Variants in SSH2 observed in about 807,000 individuals in gnomAD.
SSH2 encodes the protein protein phosphatase Slingshot homolog 2.
A neutral mutation model predicts 135.2 loss-of-function variants in SSH2; 37 were observed. The ratio of observed to expected loss-of-function variants is 0.27; its 90% CI spans 0.21 to 0.36. The LOEUF (loss-of-function observed/expected upper bound fraction) is 0.36. Among genes scored for constraint, SSH2 ranks in the 10% least tolerant of loss-of-function variants. The pLI is 1.00. For missense variants in SSH2, 1,408 were observed against 1,765.3 expected, an observed-to-expected ratio of 0.80 and a Z score of 3.63; for synonymous variants, 628 against 646.2, an observed-to-expected ratio of 0.97 and a Z score of 0.43.
intron 3 of SSH2, among the ~76,000 whole-genome samples, chr17:29,760,298 G>GT (rs2041249519): frequency 6.6e-6 from 1 of 152,184 alleles, no homozygotes; most frequent in Non-Finnish European, 1.5e-5. Flanking sequence ...ATCCCAGCAG[G>GT]TGACTCCTCT....
At chr17:29,760,083 A>C (rs2041242245) in intron 3 of SSH2, among the ~76,000 whole-genome samples, 1 of 152,192 alleles carries the variant, frequency 6.6e-6, no homozygotes. Flanking sequence ...AAGAAACTCA[A>C]ACGAGTTTAA....
At chr17:29,919,368 A>G (rs1303953978) in intron 1 of SSH2, among the ~76,000 whole-genome samples, 1 of 152,176 alleles carries the variant, frequency 6.6e-6, no homozygotes, top group Non-Finnish European at 1.5e-5. Flanking sequence ...TCTATCTTTC[A>G]GGAAGTCTAG....
intron 2 of SSH2, among the ~76,000 whole-genome samples, chr17:29,829,909 G>A (rs376773968): frequency 2.0e-5 from 3 of 149,424 alleles, no homozygotes; most frequent in East Asian, 2.0e-4. Flanking sequence ...GTGCAATCTC[G>A]GTTCACTGCA....
At chr17:29,762,058 T>C (rs1242242036) in intron 3 of SSH2, among the ~76,000 whole-genome samples, 3 of 152,018 alleles carry the variant, frequency 2.0e-5, no homozygotes, top group African/African-American at 7.3e-5. Flanking sequence ...TTTTTGTATT[T>C]TTCGTAGAGA....
intron 3 of SSH2, among the ~76,000 whole-genome samples, chr17:29,725,452 T>C (rs1337021892): frequency 6.6e-6 from 1 of 151,448 alleles, no homozygotes; most frequent in Non-Finnish European, 1.5e-5. Context: ...TGCACATGTA[T>C]GTTTACTGCA....
At chr17:29,746,787 T>G (rs2040779282) in intron 3 of SSH2, among the ~76,000 whole-genome samples, 1 of 152,132 alleles carries the variant, frequency 6.6e-6, no homozygotes, top group South Asian at 2.1e-4. Context: ...TCATGGAGAC[T>G]AACTGGTTTT....
intron 3 of SSH2, among the ~76,000 whole-genome samples, chr17:29,781,103 G>C (rs1204714928): frequency 6.6e-6 from 1 of 152,190 alleles, no homozygotes; most frequent in Non-Finnish European, 1.5e-5. Context: ...GAGCCACGGC[G>C]CCCGGCCTTT....
intron 3 of SSH2, among the ~76,000 whole-genome samples, chr17:29,752,402 A>G (rs1185986355): frequency 6.6e-6 from 1 of 152,202 alleles, no homozygotes; most frequent in Non-Finnish European, 1.5e-5. Flanking sequence ...ATATATATGT[A>G]GCATTTCAAA....
At chr17:29,841,880 C>T (rs894653805) in intron 2 of SSH2, among the ~76,000 whole-genome samples, 7 of 150,142 alleles carry the variant, frequency 4.7e-5, no homozygotes, top group Non-Finnish European at 8.8e-5. Flanking sequence ...GAGTACACCA[C>T]CCCCTTGGCT....
At chr17:29,896,948 TG>T (rs2066456902) in intron 1 of SSH2, among the ~76,000 whole-genome samples, 1 of 151,898 alleles carries the variant, frequency 6.6e-6, no homozygotes, top group Non-Finnish European at 1.5e-5. Context: ...GAAAGGTTCC[TG>T]ACCTCAATCT....
intron 1 of SSH2, among the ~76,000 whole-genome samples, chr17:29,878,999 A>G (rs1405857131): frequency 6.6e-6 from 1 of 152,310 alleles, no homozygotes. Flanking sequence ...TCATAATTAT[A>G]CAAACTGCAC....
intron 2 of SSH2, among the ~76,000 whole-genome samples, chr17:29,837,041 G>T (rs188418359): frequency 0.014 from 2,181 of 152,232 alleles, 66 homozygotes; most frequent in African/African-American, 0.049. Context: ...CGGATCACTT[G>T]AGGTCAGGAG....
At chr17:29,660,029 C>A (rs2036962662) in intron 11 of SSH2, among the ~76,000 whole-genome samples, 3 of 151,102 alleles carry the variant, frequency 2.0e-5, no homozygotes, top group Admixed American at 6.6e-5. Flanking sequence ...TGGGTTTCAC[C>A]ATGTTGGCCA....
At chr17:29,877,929 T>G (rs1396086970) in intron 1 of SSH2, among the ~76,000 whole-genome samples, 1 of 151,606 alleles carries the variant, frequency 6.6e-6, no homozygotes, top group Non-Finnish European at 1.5e-5. Context: ...CAAAAAAAAT[T>G]AAAAAATTAG....
At chr17:29,783,851 G>A (rs917692579) in intron 3 of SSH2, among the ~76,000 whole-genome samples, 44 of 151,450 alleles carry the variant, frequency 2.9e-4, no homozygotes, top group African/African-American at 9.9e-4. Flanking sequence ...CGGATCACGA[G>A]GTCAGGAGAT....
chr17:29,751,393 C>T (rs565068106), intron 3 of SSH2, among the ~76,000 whole-genome samples: 3 of 149,700 alleles, frequency 2.0e-5, no homozygotes, highest in Non-Finnish European at 4.4e-5. Context: ...GCAGCCTGGG[C>T]AACAAGAGCG....
intron 1 of SSH2, among the ~76,000 whole-genome samples, chr17:29,883,389 T>G (rs1431205771): frequency 6.6e-6 from 1 of 152,158 alleles, no homozygotes; most frequent in East Asian, 1.9e-4. Flanking sequence ...TTTAAAAGAA[T>G]CAGAAGACAC....
chr17:29,676,176 G>GT (rs1363472817), intron 8 of SSH2: 1 of 152,112 alleles, frequency 6.6e-6, no homozygotes, highest in Non-Finnish European at 1.5e-5. Context: ...GCCAGGCGCA[G>GT]TGGCTACGCC....
At chr17:29,823,996 T>C (rs549891628) in intron 2 of SSH2, among the ~76,000 whole-genome samples, 2 of 152,310 alleles carry the variant, frequency 1.3e-5, no homozygotes, top group African/African-American at 4.8e-5. Flanking sequence ...GAAAGGTGTT[T>C]TATTTTTTAG....
Sources: gnomAD v4.1 joint callset for allele counts (sites outside exome capture counted in the v4.1 genomes callset) on GRCh38, gnomAD v4.1.1 for gene constraint, MANE v1.5 for transcripts, NCBI Gene and HGNC (gene_info 2026-07-23, HGNC 2026-07-21) for gene names.